CEMIP: variants seen among roughly 807,000 people sequenced by gnomAD.
CEMIP encodes the protein cell migration inducing hyaluronidase 1.
CEMIP carries 105 observed loss-of-function variants against 156.9 expected under a neutral mutation model. That is an observed-to-expected ratio of 0.67 (90% confidence interval 0.57 to 0.79). The LOEUF (loss-of-function observed/expected upper bound fraction) is 0.79, where lower values mean the gene tolerates loss of function less well. CEMIP is among the 30% of genes least tolerant of loss of function. The pLI is 0.00. For missense variants in CEMIP, 1,457 were observed against 1,769.4 expected (o/e 0.82, Z 3.17); for synonymous variants, 676 against 668.4 (o/e 1.01, Z -0.17).
chr15:80,900,426 G>T (rs1447730203), intron 12 of CEMIP, among the ~76,000 whole-genome samples: 5 of 152,114 alleles, frequency 3.3e-5, no homozygotes, highest in African/African-American at 1.2e-4. Flanking sequence ...GGTTAGCACT[G>T]CCTGTGCTTG....
In CEMIP at chr15:80,939,421, G is replaced by T. The variant is rs147302357; in HGVS notation, c.3407+1442G>T. On this transcript the variant is annotated intron_variant, in intron 25 of 29. Coordinates refer to ENST00000394685, the MANE Select transcript of CEMIP (RefSeq NM_001293298.2). The stretch of plus-strand genomic sequence containing the variant: ...ATGAATACCAGAGGAGGAGGAGTGA[G>T]ATATGCCCCACATACCACTAGGAAA... Among the ~76,000 whole-genome samples the T allele has an allele frequency of 3.7e-3, 561 of 152,338 alleles. 4 individuals are homozygous for T. Among genetic ancestry groups the T allele is most frequent in the Non-Finnish European group, 6.1e-3 (418 of 68,038 alleles).
chr15:80,827,487 T>C (rs988323311), intron 1 of CEMIP, among the ~76,000 whole-genome samples: 1 of 152,026 alleles, frequency 6.6e-6, no homozygotes, highest in African/African-American at 2.4e-5. Flanking sequence ...GGCATGGTGG[T>C]ATGTCCCTGT....
intron 7 of CEMIP, among the ~76,000 whole-genome samples, chr15:80,884,575 C>T (rs1898772159): frequency 6.6e-6 from 1 of 152,226 alleles, no homozygotes; most frequent in Non-Finnish European, 1.5e-5. Context: ...TCAAAACAAA[C>T]AAAAGCTCGC....
At chr15:80,814,389 C>A (rs1896743802) in intron 1 of CEMIP, among the ~76,000 whole-genome samples, 1 of 152,284 alleles carries the variant, frequency 6.6e-6, no homozygotes, top group South Asian at 2.1e-4. Context: ...CACGGCTTGG[C>A]CACCATCTCC....
In CEMIP at chr15:80,879,449, G is replaced by C. The variant is rs10152744; in HGVS notation, c.242-267G>C. ...TATATGGGAGGATGTGCATAGGTTAGATGCAAATATGCAAATACTATGCCA... is the reference window on the plus strand; with the variant it reads ...TATATGGGAGGATGTGCATAGGTTACATGCAAATATGCAAATACTATGCCA... On this transcript the variant is annotated intron_variant, in intron 4 of 29. Coordinates refer to ENST00000394685, the MANE Select transcript of CEMIP (RefSeq NM_001293298.2). 0.29 allele frequency among the ~76,000 whole-genome samples: 43,798 copies of C among 152,098 alleles called. 6,859 individuals are homozygous for C. Among genetic ancestry groups the C allele is most frequent in the East Asian group, 0.58 (3,014 of 5,176 alleles).
rs201322312 is a variant in CEMIP, at chr15:80,929,161, C to T, written c.2599C>T (p.Leu867Phe). 6.2e-6 allele frequency: 10 copies of T among 1,614,196 alleles called. No individual in the cohort carries two copies. The highest frequency in any genetic ancestry group is 2.2e-5 in the East Asian group (1 of 44,882). Residue 867 changes from leucine to phenylalanine, a missense_variant, in exon 21 of 30, where the codon CTC becomes TTC. By Grantham distance (22) the Leu-to-Phe change is conservative (BLOSUM62 0). Around this residue, in one of 5 missense-constraint regions of CEMIP, gnomAD observed 798 missense variants for 980.1 expected, o/e 0.81. Coordinates refer to ENST00000394685, the MANE Select transcript of CEMIP (RefSeq NM_001293298.2). ...CGGCTTGGACCATAGCGGAAGGACC[C>T]TCCCTATAGGCCAGTAGGTTTGCAA... is the stretch of plus-strand genomic sequence containing the variant. ...PGGLDHSGRTLPIGQNFPIRG... is the reference protein window; with the variant it reads ...PGGLDHSGRTFPIGQNFPIRG...
intron 14 of CEMIP, among the ~76,000 whole-genome samples, chr15:80,914,098 G>A (rs1900170874): frequency 6.6e-6 from 1 of 152,220 alleles, no homozygotes; most frequent in African/African-American, 2.4e-5. Context: ...AGGCTCTACA[G>A]TATCTGTAGG....
chr15:80,942,130 CAGACCCAATT>C (rs1901364228), intron 26 of CEMIP, 77 bp downstream of exon 26: 1 of 1,519,700 alleles, frequency 6.6e-7, no homozygotes, highest in Non-Finnish European at 9.1e-7. Flanking sequence ...CAGTCGGGCC[CAGACCCAATT>C]AGGTCCCTCA....
At chr15:80,921,678 G>A (rs117231330) in intron 16 of CEMIP, among the ~76,000 whole-genome samples, 3,895 of 152,334 alleles carry the variant, frequency 0.026, 84 homozygotes, top group Non-Finnish European at 0.04. Context: ...GTAGAATGAA[G>A]GGGAAAGCAG....
At chr15:80,948,690 C>T (rs1008079737) in intron 29 of CEMIP, 107 bp from the exon 30 acceptor site, 17 of 1,444,286 alleles carry the variant, frequency 1.2e-5, no homozygotes, top group Admixed American at 1.7e-5. Context: ...TGTGGCTAGG[C>T]GGTACCTGGT....
At chr15:80,844,592 C>T (rs1026430857) in intron 1 of CEMIP, among the ~76,000 whole-genome samples, 2 of 152,214 alleles carry the variant, frequency 1.3e-5, no homozygotes, top group African/African-American at 4.8e-5. Flanking sequence ...CTATTCATTT[C>T]AGCTGGGGCT....
At chr15:80,821,404 G>T (rs1384635025) in intron 1 of CEMIP, among the ~76,000 whole-genome samples, 2 of 152,250 alleles carry the variant, frequency 1.3e-5, no homozygotes, top group African/African-American at 4.8e-5. Flanking sequence ...CGTTTAGGCA[G>T]GAGAAAGGAT....
At chr15:80,879,949 C>T (rs1222206503) in intron 5 of CEMIP, 95 bp downstream of exon 5, 13 of 1,400,334 alleles carry the variant, frequency 9.3e-6, no homozygotes, top group Non-Finnish European at 1.3e-5. Flanking sequence ...GGCAAGCTTG[C>T]CTGTAAGATA....
intron 23 of CEMIP, among the ~76,000 whole-genome samples, chr15:80,936,313 T>TTC (rs138713855): frequency 1.3e-4 from 20 of 150,392 alleles, no homozygotes; most frequent in Non-Finnish European, 2.1e-4. Flanking sequence ...ATTAAAAAAG[T>TTC]TCTCTCTCTC....
At chr15:80,940,643 A>G (rs1901300566) in intron 25 of CEMIP, among the ~76,000 whole-genome samples, 1 of 152,198 alleles carries the variant, frequency 6.6e-6, no homozygotes, top group South Asian at 2.1e-4. Flanking sequence ...CTTGATGTGG[A>G]TGGCTTGAAA....
intron 27 of CEMIP, 21 bp from the exon 28 acceptor site, chr15:80,942,924 T>C: frequency 6.2e-7 from 1 of 1,614,200 alleles, no homozygotes; most frequent in African/African-American, 1.3e-5. Context: ...GCCTCACACC[T>C]GGATTGCTCT....
chr15:80,858,829 C>T (rs776140423), intron 1 of CEMIP, among the ~76,000 whole-genome samples: 1 of 152,312 alleles, frequency 6.6e-6, no homozygotes, highest in Admixed American at 6.5e-5. Context: ...ACAATTCAAA[C>T]TGGCTTAAAT....
intron 1 of CEMIP, among the ~76,000 whole-genome samples, chr15:80,781,984 T>C (rs1895810061): frequency 6.6e-6 from 1 of 152,070 alleles, no homozygotes; most frequent in African/African-American, 2.4e-5. Flanking sequence ...TCCGAGAACT[T>C]GTTGATGGAA....
At chr15:80,850,621 G>T (rs1019167483) in intron 1 of CEMIP, among the ~76,000 whole-genome samples, 1 of 152,142 alleles carries the variant, frequency 6.6e-6, no homozygotes, top group Non-Finnish European at 1.5e-5. Context: ...CTGTAGGGTG[G>T]GTGAGGAGAA....
Sources: gnomAD v4.1 joint callset for allele counts (sites outside exome capture counted in the v4.1 genomes callset) on GRCh38, gnomAD v4.1.1 for gene constraint, gnomAD v4.1.1 regional missense constraint, MANE v1.5 for transcripts, NCBI Gene and HGNC (gene_info 2026-07-23, HGNC 2026-07-21) for gene names.